KCTD1: variants seen among roughly 807,000 people sequenced by gnomAD.
The protein encoded by KCTD1 is BTB/POZ domain-containing protein KCTD1.
In KCTD1, 24 loss-of-function variants were observed where a neutral mutation model predicts 66.0. The ratio of observed to expected loss-of-function variants is 0.36; its 90% CI spans 0.26 to 0.51. The LOEUF is 0.51. KCTD1 is among the 20% of genes least tolerant of loss of function. KCTD1 has a pLI of 0.95. For missense variants in KCTD1, 943 were observed against 1,205.2 expected (o/e 0.78, Z 3.22); for synonymous variants, 511 against 517.2 (o/e 0.99, Z 0.16).
rs938971404 is a variant in KCTD1 at position 26,500,032 on chromosome 18, C to G, written c.1988+1040G>C. On this transcript the variant is annotated intron_variant, in intron 2 of 4. Coordinates refer to ENST00000580059, the MANE Select transcript of KCTD1 (RefSeq NM_001142730.3). ...CAGTGGCTCACACCTGTAATCCCAG[C>G]GCTTTGGCCAAGGCCAAGGTAGAAG... is the stretch of plus-strand genomic sequence containing the variant. Among the ~76,000 whole-genome samples the G allele has an allele frequency of 2.0e-5, 3 of 152,156 alleles. No homozygotes were observed. The East Asian group carries it at 5.8e-4, about 29-fold the overall frequency.
intron 1 of KCTD1, among the ~76,000 whole-genome samples, chr18:26,538,017 C>T (rs1004345319): frequency 1.1e-4 from 16 of 152,018 alleles, no homozygotes; most frequent in Non-Finnish European, 2.2e-4. Flanking sequence ...GAGGCTGAGG[C>T]GGGTGGATCA....
intron 1 of KCTD1, among the ~76,000 whole-genome samples, chr18:26,637,920 T>G (rs1205930173): frequency 2.6e-5 from 4 of 152,238 alleles, no homozygotes; most frequent in Non-Finnish European, 5.9e-5. Flanking sequence ...ACTGGCACTT[T>G]GTGGCTATTG....
chr18:26,628,966 A>G (rs1987561396), intron 1 of KCTD1, among the ~76,000 whole-genome samples: 2 of 152,178 alleles, frequency 1.3e-5, no homozygotes, highest in African/African-American at 4.8e-5. Flanking sequence ...AGGCATGTGT[A>G]TTTGCTGGGG....
chr18:26,548,271 T>C lies in KCTD1; in HGVS notation c.266A>G (p.Glu89Gly), dbSNP rs1217142253. Residue 89 changes from glutamate (E) to glycine (G), a missense_variant, in exon 1 of 5, where the codon GAG becomes GGG. Glu to Gly is a moderately conservative substitution (Grantham distance 98). Transcript: ENST00000580059. ...CATCTCCTCCTCTTCCTCCTCCTCCTCGTCCTCCTCCAGCCCCCCACCTCC... is the reference window on the plus strand; with the variant it reads ...CATCTCCTCCTCTTCCTCCTCCTCCCCGTCCTCCTCCAGCCCCCCACCTCC... ...EDGGGGLEED[E>G]EEEEEEEMGL... 5 of 1,512,384 alleles carry C rather than the reference T, an allele frequency of 3.3e-6. No homozygotes were observed. The highest frequency in any genetic ancestry group is 3.5e-6 in the Non-Finnish European group (4 of 1,134,016). 93.7% of individuals were successfully genotyped at this position (1,512,384 alleles called of 1,614,324 possible). A position where few individuals can be genotyped will look rare whatever the true frequency, so the allele number is the denominator to read the frequency against.
intron 1 of KCTD1, among the ~76,000 whole-genome samples, chr18:26,620,157 G>A (rs1231695753): frequency 6.6e-6 from 1 of 151,734 alleles, no homozygotes; most frequent in Non-Finnish European, 1.5e-5. Context: ...ACAATGTCTG[G>A]CACAATGTAG....
At position 26,547,847 on chromosome 18, in the gene KCTD1, G is replaced by A; in HGVS notation, c.690C>T (p.Ser230=). 1.9e-6 allele frequency: 3 copies of A among 1,541,674 alleles called. No individual in the cohort carries two copies. The highest frequency in any genetic ancestry group is 1.7e-6 in the Non-Finnish European group (2 of 1,146,842). Residue 230 remains serine (S), a synonymous_variant, in exon 1 of 5, where the codon AGC becomes AGT. Coordinates refer to ENST00000580059, the MANE Select transcript of KCTD1 (RefSeq NM_001142730.3). ...GGTAGCGGTTGAGGGAGCTGCGGATGCTGATGAGCGACGACTTGCTGTAGA... is the reference window on the plus strand; with the variant it reads ...GGTAGCGGTTGAGGGAGCTGCGGATACTGATGAGCGACGACTTGCTGTAGA... ...GQLYSKSSLI[S]IRSSLNRYLN... is the part of the protein sequence containing the mutation.
upstream of KCTD1, among the ~76,000 whole-genome samples, chr18:26,631,571 C>A (rs118126577): frequency 6.6e-6 from 1 of 152,054 alleles, no homozygotes; most frequent in Admixed American, 6.6e-5. Flanking sequence ...GCATGACTGA[C>A]GGTACTTCAA....
chr18:26,459,561 G>A lies in KCTD1; in HGVS notation c.2439+59C>T, dbSNP rs1980290024. 4 of 1,497,112 alleles carry A rather than the reference G, an allele frequency of 2.7e-6. No homozygotes were observed. The East Asian group carries it at 9.2e-5, about 34-fold the overall frequency. The allele number at this position is 1,497,112 out of a possible 1,614,324, so 92.7% of individuals were successfully genotyped here. A position where few individuals can be genotyped will look rare whatever the true frequency, so the allele number is the denominator to read the frequency against. ...AGGAAAGGCACCATGTGAGGGCAAG[G>A]TTAAGTGACAACAGTAAGAGTGGCA... On this transcript the variant is annotated intron_variant, in intron 4 of 4. Coordinates refer to ENST00000580059, the MANE Select transcript of KCTD1 (RefSeq NM_001142730.3).
chr18:26,573,190 G>T (rs1424743666), intron 1 of KCTD1, among the ~76,000 whole-genome samples: 1 of 151,988 alleles, frequency 6.6e-6, no homozygotes, highest in Admixed American at 6.6e-5. Flanking sequence ...TCACTATATA[G>T]TGAGGTACCT....
intron 2 of KCTD1, among the ~76,000 whole-genome samples, chr18:26,499,006 C>T (rs373674615): frequency 1.3e-5 from 2 of 152,124 alleles, no homozygotes. Context: ...TAAATCCTGG[C>T]GGGAATGAGT....
rs535974421 is a variant in KCTD1 at position 26,507,176 on chromosome 18, G to A, written c.1810-5926C>T. 7.2e-5 allele frequency among the ~76,000 whole-genome samples: 11 copies of A among 152,192 alleles called. No homozygotes were observed. In the East Asian group the frequency reaches 1.9e-3, roughly 27 times the overall value. On this transcript the variant is annotated intron_variant, in intron 1 of 4. Coordinates refer to ENST00000580059, the MANE Select transcript of KCTD1 (RefSeq NM_001142730.3). ...GCAAAACTCCGTCTCAATAATAATA[G>A]TAATAATAATAAATAAATTTTAACT... is the stretch of plus-strand genomic sequence containing the variant.
intron 1 of KCTD1, among the ~76,000 whole-genome samples, chr18:26,560,812 CA>C (rs1220554705): frequency 1.3e-5 from 2 of 152,214 alleles, no homozygotes; most frequent in Admixed American, 6.5e-5. Flanking sequence ...GGGTGTAGAG[CA>C]ATAAGCATGT....
intron 1 of KCTD1, among the ~76,000 whole-genome samples, chr18:26,542,322 A>C (rs553371041): frequency 6.6e-6 from 1 of 152,360 alleles, no homozygotes; most frequent in East Asian, 1.9e-4. Flanking sequence ...CTCCAAAGAA[A>C]TCTTTAAAAA....
intron 1 of KCTD1, among the ~76,000 whole-genome samples, chr18:26,527,492 A>AGG (rs147266086): frequency 5.0e-3 from 545 of 109,386 alleles, no homozygotes; most frequent in African/African-American, 0.012. Context: ...CAAAAAAAAA[A>AGG]GGGGGGGGGG....
chr18:26,565,576 G>A (rs1022760299), intron 1 of KCTD1: 17 of 152,048 alleles, frequency 1.1e-4, no homozygotes, highest in Non-Finnish European at 2.4e-4. Context: ...TCATTTTGTG[G>A]GCATTCATTT....
At chr18:26,492,842 A>G (rs1982276639) in intron 2 of KCTD1, among the ~76,000 whole-genome samples, 1 of 152,022 alleles carries the variant, frequency 6.6e-6, no homozygotes, top group Admixed American at 6.5e-5. Context: ...CTATAAGGTT[A>G]TATCTGATAT....
At chr18:26,571,936 T>C (rs1986117195) in intron 1 of KCTD1, among the ~76,000 whole-genome samples, 1 of 152,198 alleles carries the variant, frequency 6.6e-6, no homozygotes, top group Admixed American at 6.5e-5. Flanking sequence ...AATTAACCCA[T>C]TGAGTGAATT....
upstream of KCTD1, among the ~76,000 whole-genome samples, chr18:26,641,776 G>A (rs9947227): frequency 0.45 from 68,076 of 151,868 alleles, 15,851 homozygotes; most frequent in East Asian, 0.7. Context: ...CAGCCTTCTA[G>A]ACAACTCTAA....
intron 1 of KCTD1, among the ~76,000 whole-genome samples, chr18:26,592,775 T>C (rs901268760): frequency 6.6e-6 from 1 of 152,218 alleles, no homozygotes; most frequent in African/African-American, 2.4e-5. Flanking sequence ...CTTATGTCCC[T>C]GGAAGCAGCT....
Sources: gnomAD v4.1 joint callset for allele counts (sites outside exome capture counted in the v4.1 genomes callset) on GRCh38, gnomAD v4.1.1 for gene constraint, MANE v1.5 for transcripts, NCBI Gene and HGNC (gene_info 2026-07-23, HGNC 2026-07-21) for gene names.